Variants in ALK observed in about 807,000 individuals in gnomAD.
ALK encodes the protein ALK receptor tyrosine kinase.
ALK carries 74 observed loss-of-function variants against 163.1 expected under a neutral mutation model. The observed-to-expected ratio is 0.45, with a 90% CI of 0.38 to 0.55. The LOEUF (loss-of-function observed/expected upper bound fraction) is 0.55. Among genes scored for constraint, ALK ranks in the 20% least tolerant of loss-of-function variants. ALK has a pLI of 0.00. For missense variants in ALK, 2,063 were observed against 2,105.3 expected, an observed-to-expected ratio of 0.98 and a Z score of 0.39; for synonymous variants, 960 against 843.2, an observed-to-expected ratio of 1.14 and a Z score of -2.40.
intron 3 of ALK, among the ~76,000 whole-genome samples, chr2:29,658,847 C>G (rs1677266872): frequency 6.6e-6 from 1 of 152,170 alleles, no homozygotes; most frequent in Non-Finnish European, 1.5e-5. Flanking sequence ...ATAAACTACA[C>G]TGAAGCAGGG....
chr2:29,409,628 A>G (rs369365373), intron 4 of ALK, among the ~76,000 whole-genome samples: 20 of 152,192 alleles, frequency 1.3e-4, no homozygotes, highest in African/African-American at 4.8e-4. Context: ...CTCCAGCCTT[A>G]TAATGATCAC....
intron 2 of ALK, among the ~76,000 whole-genome samples, chr2:29,705,034 A>G (rs1182974401): frequency 6.6e-6 from 1 of 151,586 alleles, no homozygotes; most frequent in Non-Finnish European, 1.5e-5. Context: ...CCTAGCCAAC[A>G]TAGTGAAACC....
chr2:29,800,395 C>G (rs531280743), intron 1 of ALK, among the ~76,000 whole-genome samples: 1 of 152,330 alleles, frequency 6.6e-6, no homozygotes, highest in South Asian at 2.1e-4. Context: ...GAATGTGAAC[C>G]ATTACTTGGT....
At chr2:29,438,556 T>C (rs1276178488) in intron 4 of ALK, among the ~76,000 whole-genome samples, 1 of 152,174 alleles carries the variant, frequency 6.6e-6, no homozygotes, top group Non-Finnish European at 1.5e-5. Context: ...ATTCAAACAT[T>C]TTAAAATTCA....
chr2:29,869,059 C>T (rs995485136), intron 1 of ALK, among the ~76,000 whole-genome samples: 3 of 152,162 alleles, frequency 2.0e-5, no homozygotes, highest in African/African-American at 7.2e-5. Flanking sequence ...ACCCATCCCC[C>T]AGCCATTAAG....
chr2:29,275,445 C>T lies in ALK; in HGVS notation c.1869G>A (p.Val623=). 1 of 1,614,108 alleles carries T rather than the reference C, an allele frequency of 6.2e-7. No individual in the cohort carries two copies. Among genetic ancestry groups the T allele is most frequent in the Admixed American group, 1.7e-5 (1 of 60,022 alleles). ...AWWGQGSRAI[V]AFDNISISLD... ...GGCTGATGGAGATATTGTCAAAAGC[C>T]ACGATGGCTCTGGATCCTTGTCCCC... The change falls in exon 10 of 29, where the codon GTG becomes GTA. Residue 623 remains valine, a synonymous_variant. Transcript: ENST00000389048.
At chr2:29,743,597 A>G (rs1254217997) in intron 1 of ALK, among the ~76,000 whole-genome samples, 1 of 152,206 alleles carries the variant, frequency 6.6e-6, no homozygotes, top group Non-Finnish European at 1.5e-5. Flanking sequence ...TGTACTTTTG[A>G]CAAAGTCCCT....
chr2:29,715,056 C>G (rs1679207170), intron 2 of ALK, among the ~76,000 whole-genome samples: 1 of 152,212 alleles, frequency 6.6e-6, no homozygotes, highest in Non-Finnish European at 1.5e-5. Context: ...AAGGGAAGGG[C>G]CAACCCTTAC....
intron 1 of ALK, among the ~76,000 whole-genome samples, chr2:29,740,515 C>T (rs866222005): frequency 2.0e-5 from 3 of 152,092 alleles, no homozygotes; most frequent in Non-Finnish European, 2.9e-5. Flanking sequence ...CAATTCCTAC[C>T]TGCTTCAAAG....
intron 1 of ALK, among the ~76,000 whole-genome samples, chr2:29,783,572 C>T (rs1422096453): frequency 6.6e-6 from 1 of 151,988 alleles, no homozygotes; most frequent in Non-Finnish European, 1.5e-5. Context: ...TTTTTGATTG[C>T]AAGAAAAAAA....
intron 1 of ALK, among the ~76,000 whole-genome samples, chr2:29,796,256 C>T (rs1022785768): frequency 1.3e-5 from 2 of 152,138 alleles, no homozygotes; most frequent in South Asian, 4.1e-4. Flanking sequence ...GCCAGAAGCA[C>T]ATTTACTGTA....
intron 3 of ALK, among the ~76,000 whole-genome samples, chr2:29,537,264 C>G (rs1048327629): frequency 3.3e-5 from 5 of 152,212 alleles, no homozygotes; most frequent in Admixed American, 2.6e-4. Context: ...CCTCTGATCA[C>G]AGGCTCAGAG....
At chr2:29,512,151 T>C (rs1672538494) in intron 4 of ALK, among the ~76,000 whole-genome samples, 1 of 152,224 alleles carries the variant, frequency 6.6e-6, no homozygotes, top group Non-Finnish European at 1.5e-5. Context: ...CTGCAATAAT[T>C]TTCTCTTATG....
rs115117646 is a variant in ALK, at chr2:29,320,908, T to C, written c.1415-26A>G. On this transcript the variant is annotated intron_variant, in intron 6 of 28. Transcript: ENST00000389048. ...CTATGGAGAGAGCAGAGAGGCACCA[T>C]CATTTTCAGGACCACTAAAGGCAAA... is the stretch of plus-strand genomic sequence containing the variant. 1.1e-3 allele frequency: 1,843 copies of C among 1,614,080 alleles called. 14 individuals carry two copies. The African/African-American group carries it at 0.022, about 19-fold the overall frequency.
Position 29,272,937 on chromosome 2 carries a change from T to C in ALK, c.2041+2162A>G, listed in dbSNP as rs1665431465. On this transcript the variant is annotated intron_variant, in intron 11 of 28. Transcript: ENST00000389048. Reference sequence around the variant, plus strand: ...GGCCCTTAAATTCTTCCATACCATTTTACTCATCCCTATAATGGTAAAAAC... The same window carrying C: ...GGCCCTTAAATTCTTCCATACCATTCTACTCATCCCTATAATGGTAAAAAC... 2.0e-5 allele frequency among the ~76,000 whole-genome samples: 3 copies of C among 152,252 alleles called. No homozygotes were observed. The South Asian group carries it at 6.2e-4, about 32-fold the overall frequency.
intron 1 of ALK, among the ~76,000 whole-genome samples, chr2:29,734,565 C>T (rs951520652): frequency 6.6e-6 from 1 of 152,026 alleles, no homozygotes; most frequent in Non-Finnish European, 1.5e-5. Flanking sequence ...CCTCTTCCCC[C>T]ATGCTCAAAA....
intron 4 of ALK, among the ~76,000 whole-genome samples, chr2:29,407,762 CA>C (rs1428803972): frequency 6.6e-6 from 1 of 152,232 alleles, no homozygotes; most frequent in East Asian, 1.9e-4. Flanking sequence ...CAGAGCTTCC[CA>C]GGGCTATGCC....
In ALK at chr2:29,291,730, G is replaced by T. The variant is rs140400935; in HGVS notation, c.1817+5158C>A. On this transcript the variant is annotated intron_variant, in intron 9 of 28. Transcript: ENST00000389048. ...AATTAACAGAAATGTGAATTAAGCA[G>T]AATTTTTTTAGGGGTGTGTCTAGAC... Among the ~76,000 whole-genome samples the T allele has an allele frequency of 5.3e-3, 809 of 152,286 alleles. 8 individuals are homozygous for T. Among genetic ancestry groups the T allele is most frequent in the African/African-American group, 0.018 (763 of 41,568 alleles).
rs542381443 is a variant in ALK at position 29,890,514 on chromosome 2, C to T, written c.667+29479G>A. ...ACAGGATTGCCTTTTCAGGCAGAAC[C>T]TCTGTTGAGGGAAAATGGCAGTTAG... On this transcript the variant is annotated intron_variant, in intron 1 of 28. Coordinates refer to ENST00000389048, the MANE Select transcript of ALK (RefSeq NM_004304.5). 12 of 152,370 alleles carry T rather than the reference C, an allele frequency of 7.9e-5. No individual in the cohort carries two copies. The South Asian group carries it at 2.5e-3, about 32-fold the overall frequency. 9.4% of individuals were successfully genotyped at this position (152,370 alleles called of 1,614,324 possible). A position where few individuals can be genotyped will look rare whatever the true frequency, so the allele number is the denominator to read the frequency against.
Sources: gnomAD v4.1 joint callset for allele counts (sites outside exome capture counted in the v4.1 genomes callset) on GRCh38, gnomAD v4.1.1 for gene constraint, MANE v1.5 for transcripts, NCBI Gene and HGNC (gene_info 2026-07-23, HGNC 2026-07-21) for gene names.